FBN2: variants seen among roughly 807,000 people sequenced by gnomAD.
The protein encoded by FBN2 is fibrillin 2.
A neutral mutation model predicts 355.6 loss-of-function variants in FBN2; 105 were observed. The ratio of observed to expected loss-of-function variants is 0.30; its 90% CI spans 0.25 to 0.35. The LOEUF (loss-of-function observed/expected upper bound fraction) is 0.35, where lower values mean the gene tolerates loss of function less well. FBN2 is among the 10% of genes least tolerant of loss of function. The probability of loss-of-function intolerance (pLI) is 1.00; values close to 1 mark genes in which losing one functional copy is unlikely to be tolerated. For missense variants in FBN2, 3,280 were observed against 3,758.7 expected (o/e 0.87, Z 3.33); for synonymous variants, 1,350 against 1,301.2 (o/e 1.04, Z -0.81).
chr5:128,340,818 C>CCTCT (rs752335442), intron 25 of FBN2, among the ~76,000 whole-genome samples: 7 of 150,272 alleles, frequency 4.7e-5, no homozygotes, highest in African/African-American at 9.8e-5. Context: ...TCTCTCTCTC[C>CCTCT]CTCTCTCTCT....
At chr5:128,295,216 C>A (rs1329893439) in intron 48 of FBN2, among the ~76,000 whole-genome samples, 1 of 149,910 alleles carries the variant, frequency 6.7e-6, no homozygotes, top group South Asian at 2.1e-4. Context: ...GGTACCAGTA[C>A]CATGCTGTTT....
At chr5:128,419,004 T>C (rs529497171) in intron 7 of FBN2, among the ~76,000 whole-genome samples, 3 of 152,216 alleles carry the variant, frequency 2.0e-5, no homozygotes, top group Non-Finnish European at 2.9e-5. Context: ...TTTATTTAGA[T>C]CATTCTTAAT....
chr5:128,367,525 A>T (rs2126944524), intron 16 of FBN2, among the ~76,000 whole-genome samples: 1 of 152,218 alleles, frequency 6.6e-6, no homozygotes, highest in African/African-American at 2.4e-5. Context: ...TTTCCAGATT[A>T]CTTGTGTATT....
intron 30 of FBN2, 92 bp from the exon 31 acceptor site, chr5:128,334,936 C>T (rs1386263233): frequency 1.7e-5 from 21 of 1,252,724 alleles, no homozygotes; most frequent in Non-Finnish European, 2.4e-5. Flanking sequence ...CTGAAATACA[C>T]AGGCAAGATC....
chr5:128,386,073 A>G (rs1438786547), intron 11 of FBN2, among the ~76,000 whole-genome samples: 1 of 151,910 alleles, frequency 6.6e-6, no homozygotes, highest in Non-Finnish European at 1.5e-5. Context: ...TGCTTTTGGA[A>G]TCATTGTCAT....
At chr5:128,270,089 T>C (rs570822820) in intron 62 of FBN2, among the ~76,000 whole-genome samples, 93 of 152,212 alleles carry the variant, frequency 6.1e-4, no homozygotes, top group Middle Eastern at 3.4e-3. Context: ...AAACAAGCAA[T>C]GGGGAAAGGA....
chr5:128,371,713 A>G (rs1027739848), intron 15 of FBN2, among the ~76,000 whole-genome samples: 6 of 151,958 alleles, frequency 3.9e-5, no homozygotes, highest in Non-Finnish European at 8.8e-5. Context: ...TTGTATTTTT[A>G]GTAGAGATGG....
At chr5:128,379,156 C>G (rs1322986681) in intron 11 of FBN2, among the ~76,000 whole-genome samples, 1 of 151,986 alleles carries the variant, frequency 6.6e-6, no homozygotes. Context: ...GAATAATGGC[C>G]AATGATTAAA....
chr5:128,357,484 T>C, intron 19 of FBN2, 89 bp from the exon 20 acceptor site: 1 of 1,516,560 alleles, frequency 6.6e-7, no homozygotes, highest in East Asian at 2.3e-5. Flanking sequence ...CCAGAATGTC[T>C]GGTAAACTTG....
intron 38 of FBN2, among the ~76,000 whole-genome samples, chr5:128,311,668 A>G (rs1307742497): frequency 6.6e-6 from 1 of 152,226 alleles, no homozygotes; most frequent in African/African-American, 2.4e-5. Flanking sequence ...GGACAATGGG[A>G]AAGAGTTTCT....
At chr5:128,359,046 T>C (rs947732912) in intron 19 of FBN2, among the ~76,000 whole-genome samples, 1 of 152,060 alleles carries the variant, frequency 6.6e-6, no homozygotes, top group African/African-American at 2.4e-5. Context: ...TAACTAGTTA[T>C]GTCACTGGAA....
chr5:128,518,449 A>C (rs549475713), intron 5 of FBN2, among the ~76,000 whole-genome samples: 1 of 152,206 alleles, frequency 6.6e-6, no homozygotes, highest in African/African-American at 2.4e-5. Flanking sequence ...AGGAAGCTCT[A>C]CTGGCTTCAG....
intron 5 of FBN2, among the ~76,000 whole-genome samples, chr5:128,466,468 A>T (rs73347167): frequency 2.0e-5 from 3 of 152,220 alleles, no homozygotes; most frequent in African/African-American, 7.2e-5. Flanking sequence ...TAGGAAAATC[A>T]AACTTGGATA....
At chr5:128,279,073 T>G (rs962154920) in intron 56 of FBN2, among the ~76,000 whole-genome samples, 12 of 152,170 alleles carry the variant, frequency 7.9e-5, no homozygotes, top group African/African-American at 2.9e-4. Context: ...AATAGATAGA[T>G]TTTTTCCTCC....
intron 17 of FBN2, 102 bp from the exon 18 acceptor site, chr5:128,364,827 T>A: frequency 1.0e-6 from 1 of 982,984 alleles, no homozygotes; most frequent in Non-Finnish European, 1.6e-6. Flanking sequence ...AGTGTTTAAC[T>A]CTGCAAACTC....
At position 128,406,815 on chromosome 5, in the gene FBN2, C is replaced by T. The variant is rs1261234008; in HGVS notation, c.1078+1859G>A. Among the ~76,000 whole-genome samples, 6 of 152,182 alleles carry T rather than the reference C, an allele frequency of 3.9e-5. No homozygotes were observed. The South Asian group carries it at 6.2e-4, about 16-fold the overall frequency. The stretch of plus-strand genomic sequence containing the variant: ...GAATCACAGTGGGAACTGCAGAAAA[C>T]AAAACCATGGAAAGTGAAACCGTGG... On this transcript the variant is annotated intron_variant, in intron 8 of 64. Transcript: ENST00000262464.
chr5:128,375,980 G>T (rs1752068064), intron 14 of FBN2, among the ~76,000 whole-genome samples: 3 of 152,072 alleles, frequency 2.0e-5, no homozygotes, highest in Non-Finnish European at 2.9e-5. Context: ...AGGGTGCAGT[G>T]AGCTGAGATT....
At chr5:128,392,587 A>C (rs1211150107) in intron 10 of FBN2, among the ~76,000 whole-genome samples, 1 of 152,176 alleles carries the variant, frequency 6.6e-6, no homozygotes, top group East Asian at 1.9e-4. Flanking sequence ...ACAAATGCCA[A>C]CTCTGGTCTG....
At chr5:128,532,873 C>T (rs766230232) in intron 2 of FBN2, among the ~76,000 whole-genome samples, 9 of 152,050 alleles carry the variant, frequency 5.9e-5, no homozygotes, top group East Asian at 1.9e-4. Flanking sequence ...CCCAACGCTA[C>T]GAAAATTTTT....
Sources: allele counts gnomAD v4.1 joint callset (sites outside exome capture counted in the v4.1 genomes callset), GRCh38; gene constraint gnomAD v4.1.1; transcripts MANE v1.5; gene names NCBI Gene and HGNC (gene_info 2026-07-23, HGNC 2026-07-21).